Variants in SPTBN5 observed in about 807,000 individuals in gnomAD.
SPTBN5 encodes the protein spectrin beta chain, non-erythrocytic 5.
Under a neutral mutation model 477.6 loss-of-function variants are expected in SPTBN5, and 513 were observed. That is an observed-to-expected ratio of 1.07 (90% CI 1.00 to 1.16). The LOEUF is 1.16. SPTBN5 is among the 50% of genes most tolerant of loss of function. SPTBN5 has a pLI of 0.00. For missense variants in SPTBN5, 5,062 were observed against 4,731.8 expected, an observed-to-expected ratio of 1.07 and a Z score of -2.05; for synonymous variants, 2,169 against 2,011.7, an observed-to-expected ratio of 1.08 and a Z score of -2.09.
intron 14 of SPTBN5, 116 bp from the exon 15 acceptor site, chr15:41,879,980 C>T: frequency 6.8e-7 from 1 of 1,460,012 alleles, no homozygotes; most frequent in East Asian, 2.4e-5. Flanking sequence ...ATGCTGCCTG[C>T]CCCTGGAAAG....
At chr15:41,893,088 G>C (rs536642336) in intron 2 of SPTBN5, 27 bp from the exon 3 acceptor site, 2 of 1,604,104 alleles carry the variant, frequency 1.2e-6, no homozygotes, top group Non-Finnish European at 1.7e-6. Flanking sequence ...GGTAAGTATG[G>C]GGTCAGCCCA....
intron 18 of SPTBN5, 33 bp downstream of exon 18, chr15:41,877,083 G>A (rs746708408): frequency 2.0e-5 from 32 of 1,611,392 alleles, no homozygotes; most frequent in East Asian, 8.9e-5. Context: ...GTGATGGGGA[G>A]TGACAGCCTA....
rs1301351585 is a variant in SPTBN5 at position 41,855,381 on chromosome 15, T to A, written c.9266A>T (p.Glu3089Val). Reference protein sequence around the residue: ...QLQAVREAHAELLRRAEARGH... With the variant: ...QLQAVREAHAVLLRRAEARGH... ...CCTGGCCTCCGCCCTCCGCAGCAGCTCTGCGTGGGCCTCCCGAACTGCCTG... is the reference window on the plus strand; with the variant it reads ...CCTGGCCTCCGCCCTCCGCAGCAGCACTGCGTGGGCCTCCCGAACTGCCTG... The change falls in exon 55 of 68, where the codon GAG (glutamate) becomes GTG (valine). Residue 3089 changes from glutamate (E) to valine (V), a missense_variant. Physicochemically the swap from Glu to Val is moderately radical, Grantham distance 121. Transcript: ENST00000320955. 1 of 1,604,854 alleles carries A rather than the reference T, an allele frequency of 6.2e-7. No homozygotes were observed. The highest frequency in any genetic ancestry group is 1.1e-5 in the South Asian group (1 of 91,024).
chr15:41,855,172 C>A (rs1880449646), intron 55 of SPTBN5, 52 bp downstream of exon 55: 11 of 1,555,912 alleles, frequency 7.1e-6, no homozygotes, highest in Non-Finnish European at 9.6e-6. Flanking sequence ...CCAGGGCAGG[C>A]CTTCCTCAGC....
Position 41,851,127 on chromosome 15 carries a change from A to G in SPTBN5, c.10767T>C (p.Leu3589=), listed in dbSNP as rs1223988711. 2 of 1,613,124 alleles carry G rather than the reference A, an allele frequency of 1.2e-6. No individual in the cohort carries two copies. Among genetic ancestry groups the G allele is most frequent in the Non-Finnish European group, 1.7e-6 (2 of 1,179,792 alleles). Residue 3589 remains leucine, a synonymous_variant, in exon 65 of 68, where the codon CTT becomes CTC. Transcript: ENST00000320955. ...TCTCACACCGGGCTCCCGTGAGGTC[A>G]AGGAGGGCTATGGAAGCTACTTTCT... ...AAEKVASIAL[L]DLTGARCERL...
rs553191629 is a variant in SPTBN5, at chr15:41,887,792, A to G, written c.659+136T>C. 62 of 907,132 alleles carry G rather than the reference A, an allele frequency of 6.8e-5. No individual in the cohort carries two copies. The Middle Eastern group carries it at 9.0e-4, about 13-fold the overall frequency. The allele number at this position is 907,132 out of a possible 1,614,324, so 56.2% of individuals were successfully genotyped here. ...CTAGGGAAGGGAAAGGGGCTAACCCATCAGCCCTTTCTACATCTGTGTCCA... is the reference window on the plus strand; with the variant it reads ...CTAGGGAAGGGAAAGGGGCTAACCCGTCAGCCCTTTCTACATCTGTGTCCA... On this transcript the variant is annotated intron_variant, in intron 5 of 67. Coordinates refer to ENST00000320955, the MANE Select transcript of SPTBN5 (RefSeq NM_016642.4).
chr15:41,853,883 C>T, intron 57 of SPTBN5, 96 bp from the exon 58 acceptor site: 18 of 1,423,440 alleles, frequency 1.3e-5, no homozygotes, highest in Non-Finnish European at 1.6e-5. Context: ...GAACCACCTC[C>T]ACTCTGCTGC....
intron 12 of SPTBN5, among the ~76,000 whole-genome samples, chr15:41,881,650 T>C (rs1039451671): frequency 3.9e-5 from 6 of 152,136 alleles, no homozygotes; most frequent in Non-Finnish European, 7.4e-5. Context: ...GGAGGGGACC[T>C]TCCTGGAGGA....
rs762992520 is a variant in SPTBN5, at chr15:41,882,475, G to T, written c.2047-6C>A. On this transcript the variant is annotated splice_polypyrimidine_tract_variant and splice_region_variant and intron_variant, in intron 10 of 67. Transcript: ENST00000320955. ...TGGACCTCAGCTTCCAGGGCCTAGC[G>T]GGGGGCAGAGCAGGGGGCTCAGTGA... The T allele has an allele frequency of 1.3e-6, 2 of 1,556,758 alleles. No individual in the cohort carries two copies. The highest frequency in any genetic ancestry group is 8.6e-7 in the Non-Finnish European group (1 of 1,156,512).
intron 35 of SPTBN5, 76 bp from the exon 36 acceptor site, chr15:41,867,202 T>C: frequency 1.4e-6 from 2 of 1,430,344 alleles, no homozygotes; most frequent in Non-Finnish European, 1.8e-6. Context: ...CTCACAGTCC[T>C]TTCTTTGAGG....
Position 41,870,291 on chromosome 15 carries a change from C to G in SPTBN5, c.5625G>C (p.Leu1875=). The change falls in exon 31 of 68, where the codon CTG becomes CTC. Residue 1875 remains leucine (L), a synonymous_variant. Coordinates refer to ENST00000320955, the MANE Select transcript of SPTBN5 (RefSeq NM_016642.4). ...ARDLCGLEAQ[L]RSHQGLEREL... is the part of the protein sequence containing the mutation. ...CTCGCTCCAGCCCCTGGTGGCTTCT[C>G]AGCTGCGCCTCCAGCCCACACAGGT... The G allele has an allele frequency of 6.4e-7, 1 of 1,556,110 alleles. No homozygotes were observed. The highest frequency in any genetic ancestry group is 8.7e-7 in the Non-Finnish European group (1 of 1,150,108).
chr15:41,853,833 G>A (rs1004700560), intron 57 of SPTBN5, 46 bp from the exon 58 acceptor site: 71 of 1,497,670 alleles, frequency 4.7e-5, no homozygotes, highest in Admixed American at 6.1e-5. Flanking sequence ...CCACTGAGCC[G>A]ATGCGTGCTC....
Position 41,873,555 on chromosome 15 carries a change from C to T in SPTBN5, c.4944G>A (p.Leu1648=), listed in dbSNP as rs543432101. The part of the protein sequence containing the change: ...LEGWVEEKRP[L]VSSRDYGRDE... ...CTCTGCCATAGTCCCGACTGCTCAC[C>T]AGCGGCCGCTTCTCCTCCACCCAGC... Residue 1648 remains leucine (L), a synonymous_variant, in exon 26 of 68, where the codon CTG becomes CTA. Coordinates refer to ENST00000320955, the MANE Select transcript of SPTBN5 (RefSeq NM_016642.4). The T allele has an allele frequency of 1.9e-6, 3 of 1,552,240 alleles. No homozygotes were observed. The highest frequency in any genetic ancestry group is 2.7e-5 in the African/African-American group (2 of 73,178).
rs1046936566 is a variant in SPTBN5, at chr15:41,848,554, C to T, written c.*62G>A. 2.2e-5 allele frequency: 35 copies of T among 1,606,344 alleles called. No individual in the cohort carries two copies. Among genetic ancestry groups the T allele is most frequent in the South Asian group, 3.3e-5 (3 of 90,934 alleles). On this transcript the variant is annotated 3_prime_UTR_variant, in exon 68 of 68. Coordinates refer to ENST00000320955, the MANE Select transcript of SPTBN5 (RefSeq NM_016642.4). The stretch of plus-strand genomic sequence containing the variant: ...CTTTTGCCTGTAGCTGAGTCTTATT[C>T]TGGTCCCTTAGATGTGTCCTCGCTT...
chr15:41,887,601 G>A (rs892497587), intron 5 of SPTBN5, among the ~76,000 whole-genome samples, 160 bp from the exon 6 acceptor site: 2 of 152,114 alleles, frequency 1.3e-5, no homozygotes, highest in African/African-American at 4.8e-5. Flanking sequence ...GGAGGACTCT[G>A]ACAGAGAAAG....
chr15:41,857,713 G>T lies in SPTBN5; in HGVS notation c.8227-3C>A. The T allele has an allele frequency of 2.6e-6, 4 of 1,567,208 alleles. No homozygotes were observed. Among genetic ancestry groups the T allele is most frequent in the Non-Finnish European group, 3.4e-6 (4 of 1,159,424 alleles). Reference sequence around the variant, plus strand: ...CCCTGCAGCAGCCTCTGTCCCTCCTGCAGCCACAACATGAAACACACCTTG... The same window carrying T: ...CCCTGCAGCAGCCTCTGTCCCTCCTTCAGCCACAACATGAAACACACCTTG... On this transcript the variant is annotated splice_polypyrimidine_tract_variant and splice_region_variant and intron_variant, in intron 49 of 67. Coordinates refer to ENST00000320955, the MANE Select transcript of SPTBN5 (RefSeq NM_016642.4).
intron 3 of SPTBN5, 123 bp downstream of exon 3, chr15:41,892,771 G>T: frequency 8.7e-7 from 1 of 1,150,130 alleles, no homozygotes; most frequent in Non-Finnish European, 1.2e-6. Flanking sequence ...CACTCCTCCT[G>T]TACTCAGGCC....
chr15:41,879,853 A>T lies in SPTBN5; in HGVS notation c.2823T>A (p.Thr941=). Residue 941 remains threonine (T), a synonymous_variant, in exon 15 of 68, where the codon ACT becomes ACA. Transcript: ENST00000320955. ...AGAGGCCCTTTCCCACAGCCAGGGC[A>T]GTGAGGAAGTTCTAGGGAAAAGGAG... ...VMQLKYENFL[T]ALAVGKGLWA... is the part of the protein sequence containing the mutation. The T allele has an allele frequency of 6.2e-7, 1 of 1,613,894 alleles. No homozygotes were observed. The highest frequency in any genetic ancestry group is 8.5e-7 in the Non-Finnish European group (1 of 1,179,886).
At chr15:41,866,303 A>G in intron 37 of SPTBN5, 41 bp downstream of exon 37, 1 of 1,571,250 alleles carries the variant, frequency 6.4e-7, no homozygotes. Flanking sequence ...CCCCTGGGCC[A>G]CACTTTGGGG....
Sources: gnomAD v4.1 joint callset for allele counts (sites outside exome capture counted in the v4.1 genomes callset) on GRCh38, gnomAD v4.1.1 for gene constraint, MANE v1.5 for transcripts, NCBI Gene and HGNC (gene_info 2026-07-23, HGNC 2026-07-21) for gene names.